Variants in SIRT7 observed in about 807,000 individuals in gnomAD.
SIRT7 encodes sirtuin 7, also known as NAD-dependent protein deacetylase sirtuin-7.
SIRT7 carries 32 observed loss-of-function variants against 42.8 expected under a neutral mutation model. The ratio of observed to expected loss-of-function variants is 0.75; its 90% confidence interval spans 0.56 to 1.00. The LOEUF (loss-of-function observed/expected upper bound fraction) is 1.00. SIRT7 is among the 50% of genes least tolerant of loss of function. The probability of loss-of-function intolerance (pLI) is 0.00; values close to 1 mark genes in which losing one functional copy is unlikely to be tolerated. For synonymous variants in SIRT7, 297 were observed against 245.2 expected (o/e 1.21, Z -1.97); for missense variants, 553 against 572.2 (o/e 0.97, Z 0.34).
rs999073966 is a variant in SIRT7, at chr17:81,912,525, T to C, written c.1094A>G (p.Glu365Gly). 3.1e-6 allele frequency: 5 copies of C among 1,613,796 alleles called. No individual in the cohort carries two copies. The highest frequency in any genetic ancestry group is 1.3e-5 in the African/African-American group (1 of 75,050). ...ACCCCGGTCCCCAGGCGGGGCCTCC[T>C]CTCTGCTTCTGCACAGCGACTTCCG... Reference protein sequence around the residue: ...HSRKSLCRSREEAPPGDRGAP... With the variant: ...HSRKSLCRSRGEAPPGDRGAP... The change falls in exon 10 of 10, where the codon GAG becomes GGG. Residue 365 changes from glutamate to glycine, a missense_variant. Glu to Gly is a moderately conservative substitution (Grantham distance 98). Coordinates refer to ENST00000328666, the MANE Select transcript of SIRT7 (RefSeq NM_016538.3).
chr17:81,912,731 C>T, intron 9 of SIRT7, 117 bp from the exon 10 acceptor site: 2 of 1,131,492 alleles, frequency 1.8e-6, no homozygotes, highest in Non-Finnish European at 2.6e-6. Flanking sequence ...CCTCCCGTGT[C>T]AACTGCGGCG....
chr17:81,912,310 GTCA>G lies in SIRT7; in HGVS notation c.*103_*105del. 1 of 1,384,986 alleles carries G rather than the reference GTCA, an allele frequency of 7.2e-7. No individual in the cohort carries two copies. The highest frequency in any genetic ancestry group is 1.0e-6 in the Non-Finnish European group (1 of 977,118). 85.8% of individuals were successfully genotyped at this position (1,384,986 alleles called of 1,614,324 possible). On this transcript the variant is annotated 3_prime_UTR_variant, in exon 10 of 10. Coordinates refer to ENST00000328666, the MANE Select transcript of SIRT7 (RefSeq NM_016538.3). ...TGGCTAAAAATGTCACGGTGAAAAT[GTCA>G]TCCCCAAAGAGTTCGTTCTCCCTAG...
intron 3 of SIRT7, chr17:81,916,496 T>TA (rs2040801799): frequency 6.7e-6 from 1 of 150,326 alleles, no homozygotes; most frequent in Non-Finnish European, 1.5e-5. Context: ...AGACGGAGTT[T>TA]AGCTCTTTCG....
rs754171088 is a variant in SIRT7 at position 81,913,913 on chromosome 17, GCAGCC to G, written c.898-38_898-34del. 2 of 1,546,314 alleles carry G rather than the reference GCAGCC, an allele frequency of 1.3e-6. No individual in the cohort carries two copies. The highest frequency in any genetic ancestry group is 2.4e-5 in the South Asian group (2 of 84,528). The stretch of plus-strand genomic sequence containing the variant: ...CAGGGAAAGCCGAGTGAGAGTAACA[GCAGCC>G]CAACCCTTCCCGGTGGCCTGTCAGC... On this transcript the variant is annotated intron_variant, in intron 8 of 9. Coordinates refer to ENST00000328666, the MANE Select transcript of SIRT7 (RefSeq NM_016538.3). The surrounding 1 kb of genome is among the most constrained non-coding windows in gnomAD (Gnocchi z 5.0).
rs529902529 is a variant in SIRT7, at chr17:81,913,487, G to C, written c.1004+287C>G. 2.3e-4 allele frequency: 106 copies of C among 458,776 alleles called. No individual in the cohort carries two copies. Among genetic ancestry groups the C allele is most frequent in the East Asian group, 1.2e-3 (27 of 21,732 alleles). 28.4% of individuals were successfully genotyped at this position (458,776 alleles called of 1,614,324 possible). A position where few individuals can be genotyped will look rare whatever the true frequency, so the allele number is the denominator to read the frequency against. On this transcript the variant is annotated intron_variant, in intron 9 of 9. Transcript: ENST00000328666. The surrounding 1 kb of genome is among the most constrained non-coding windows in gnomAD (Gnocchi z 5.0). ...CGTCCCCTCCAGATGCTTCCCACCA[G>C]GCATCTCGGAGAGCTCCACGGGGAG... is the stretch of plus-strand genomic sequence containing the variant.
chr17:81,916,458 G>C (rs941823099), intron 3 of SIRT7: 1 of 147,260 alleles, frequency 6.8e-6, no homozygotes, highest in Non-Finnish European at 1.5e-5. Context: ...TACATGACTG[G>C]ACTTTTTTTT....
intron 5 of SIRT7, chr17:81,914,906 G>T: frequency 1.7e-6 from 1 of 586,772 alleles, no homozygotes; most frequent in South Asian, 2.0e-5. Context: ...GTGGGGAGGG[G>T]CTGTCCTTCC....
rs2040738360 is a variant in SIRT7 at position 81,913,781 on chromosome 17, A to G, written c.997T>C (p.Tyr333His). ...MAELGLEIPA[Y>H]SRWQDPIFSL... ...CTGCAGCGGCTCACTCACCTGCTATAGGCGGGGATCTCCAAGCCCAGCTCG... is the reference window on the plus strand; with the variant it reads ...CTGCAGCGGCTCACTCACCTGCTATGGGCGGGGATCTCCAAGCCCAGCTCG... The change falls in exon 9 of 10, where the codon TAT (tyrosine) becomes CAT (histidine). Residue 333 changes from tyrosine (Y) to histidine (H), a missense_variant. By Grantham distance (83) the Tyr-to-His change is moderately conservative. Transcript: ENST00000328666. The surrounding 1 kb of genome is among the most constrained non-coding windows in gnomAD (Gnocchi z 5.0). 1 of 1,548,542 alleles carries G rather than the reference A, an allele frequency of 6.5e-7. No individual in the cohort carries two copies. The highest frequency in any genetic ancestry group is 8.7e-7 in the Non-Finnish European group (1 of 1,146,778).
Position 81,915,900 on chromosome 17 carries a change from T to TGGCTC in SIRT7, c.337-224_337-220dup, listed in dbSNP as rs1208500924. The TGGCTC allele has an allele frequency of 1.8e-5, 10 of 569,574 alleles. 1 individual carries two copies. The highest frequency in any genetic ancestry group is 9.6e-4 in the Middle Eastern group (2 of 2,076). 35.3% of individuals were successfully genotyped at this position (569,574 alleles called of 1,614,324 possible). A position where few individuals can be genotyped will look rare whatever the true frequency, so the allele number is the denominator to read the frequency against. ...CTGGACTTCCGTTTCCCGCCTGGCC[T>TGGCTC]GGCTCATCCTTCCAGGCTGCACGCA... On this transcript the variant is annotated intron_variant, in intron 3 of 9. Coordinates refer to ENST00000328666, the MANE Select transcript of SIRT7 (RefSeq NM_016538.3).
intron 9 of SIRT7, 170 bp from the exon 10 acceptor site, chr17:81,912,784 AC>A: frequency 1.4e-6 from 1 of 725,196 alleles, no homozygotes; most frequent in Non-Finnish European, 2.4e-6. Context: ...AAGCTGCAGA[AC>A]GGATGTGGGA....
chr17:81,912,396 G>C lies in SIRT7; in HGVS notation c.*20C>G, dbSNP rs74006134. ...ACTGGCCATCTGCAAAGTGCCAACT[G>C]TTCTTCATCGAGCACGTGATTACGT... is the stretch of plus-strand genomic sequence containing the variant. On this transcript the variant is annotated 3_prime_UTR_variant, in exon 10 of 10. Coordinates refer to ENST00000328666, the MANE Select transcript of SIRT7 (RefSeq NM_016538.3). 6.1e-5 allele frequency: 98 copies of C among 1,613,958 alleles called. 1 individual carries two copies. The highest frequency in any genetic ancestry group is 8.1e-5 in the Non-Finnish European group (95 of 1,180,008).
Position 81,913,673 on chromosome 17 carries a change from A to C in SIRT7, c.1004+101T>G, listed in dbSNP as rs2040736764. The C allele has an allele frequency of 9.5e-7, 1 of 1,056,916 alleles. No homozygotes were observed. Among genetic ancestry groups the C allele is most frequent in the African/African-American group, 1.6e-5 (1 of 63,370 alleles). 65.5% of individuals were successfully genotyped at this position (1,056,916 alleles called of 1,614,324 possible). The stretch of plus-strand genomic sequence containing the variant: ...CAGTCATGCCTCAGGCACCACTGCA[A>C]ACACCTCAGAGCTTCCTCCACACTC... On this transcript the variant is annotated intron_variant, in intron 9 of 9. Coordinates refer to ENST00000328666, the MANE Select transcript of SIRT7 (RefSeq NM_016538.3). The surrounding 1 kb of genome is among the most constrained non-coding windows in gnomAD (Gnocchi z 5.0).
At chr17:81,918,013 C>T (rs1295812043) in intron 1 of SIRT7, 26 bp downstream of exon 1, 5 of 1,404,100 alleles carry the variant, frequency 3.6e-6, no homozygotes, top group East Asian at 3.0e-5. Flanking sequence ...CGGGCATGGC[C>T]GGGCCGGGGA....
Position 81,912,475 on chromosome 17 carries a change from G to T in SIRT7, c.1144C>A (p.Leu382Ile), listed in dbSNP as rs1469435226. 1.2e-6 allele frequency: 2 copies of T among 1,613,814 alleles called. No individual in the cohort carries two copies. The highest frequency in any genetic ancestry group is 1.7e-6 in the Non-Finnish European group (2 of 1,179,976). The part of the protein sequence containing the change: ...RGAPLSSAPI[L>I]GGWFGRGCTK... Reference sequence around the variant, plus strand: ...CAGCCCCTGCCAAACCAGCCCCCTAGGATGGGGGCCGAGCTAAGCGGTGCA... The same window carrying T: ...CAGCCCCTGCCAAACCAGCCCCCTATGATGGGGGCCGAGCTAAGCGGTGCA... Residue 382 changes from leucine to isoleucine, a missense_variant, in exon 10 of 10, where the codon CTA becomes ATA. By Grantham distance (5) the Leu-to-Ile change is conservative (BLOSUM62 2). Transcript: ENST00000328666.
rs188535261 is a variant in SIRT7, at chr17:81,915,783, G to A, written c.337-102C>T. 1.3e-4 allele frequency: 167 copies of A among 1,308,476 alleles called. No homozygotes were observed. In the East Asian group the frequency reaches 3.2e-3, roughly 25 times the overall value. 81.1% of individuals were successfully genotyped at this position (1,308,476 alleles called of 1,614,324 possible). A position where few individuals can be genotyped will look rare whatever the true frequency, so the allele number is the denominator to read the frequency against. Reference sequence around the variant, plus strand: ...GCCACTGTCACTCCTGCCGCATTCCGGGCTGGCCTGCATGTTGGCCTCTAT... The same window carrying A: ...GCCACTGTCACTCCTGCCGCATTCCAGGCTGGCCTGCATGTTGGCCTCTAT... On this transcript the variant is annotated intron_variant, in intron 3 of 9. Transcript: ENST00000328666.
chr17:81,913,385 T>C lies in SIRT7; in HGVS notation c.1004+389A>G. On this transcript the variant is annotated intron_variant, in intron 9 of 9. Coordinates refer to ENST00000328666, the MANE Select transcript of SIRT7 (RefSeq NM_016538.3). This position sits in a 1 kb window ranked among gnomAD's most constrained non-coding sequence, Gnocchi z 5.0. ...ACAAATTCTGTATTAAGGCACAGTT[T>C]GTTTAAGCTTTCCCAAAGTACGCCA... 1 of 448,934 alleles carries C rather than the reference T, an allele frequency of 2.2e-6. No homozygotes were observed. The highest frequency in any genetic ancestry group is 1.6e-5 in the South Asian group (1 of 61,710). The allele number at this position is 448,934 out of a possible 1,614,324, so 27.8% of individuals were successfully genotyped here.
At chr17:81,914,256 C>G in intron 7 of SIRT7, 38 bp downstream of exon 7, 1 of 1,611,552 alleles carries the variant, frequency 6.2e-7, no homozygotes, top group Non-Finnish European at 8.5e-7. Context: ...CTCGGGCGGG[C>G]AGGGGCTCGG....
chr17:81,917,987 G>A lies in SIRT7; in HGVS notation c.94-20C>T, dbSNP rs774877463. On this transcript the variant is annotated intron_variant, in intron 1 of 9. Transcript: ENST00000328666. ...CGACACCTGCGGGCAGGCGGACGGT[G>A]AGCGGCGGCGCGGGCCGGGCATGGC... is the stretch of plus-strand genomic sequence containing the variant. 15 of 1,335,218 alleles carry A rather than the reference G, an allele frequency of 1.1e-5. No individual in the cohort carries two copies. Among genetic ancestry groups the A allele is most frequent in the Non-Finnish European group, 1.0e-5 (11 of 1,052,316 alleles). The allele number at this position is 1,335,218 out of a possible 1,614,324, so 82.7% of individuals were successfully genotyped here.
chr17:81,918,157 G>A lies in SIRT7; in HGVS notation c.-26C>T. On this transcript the variant is annotated 5_prime_UTR_variant, in exon 1 of 10. Coordinates refer to ENST00000328666, the MANE Select transcript of SIRT7 (RefSeq NM_016538.3). The stretch of plus-strand genomic sequence containing the variant: ...CGCTCCCCTGGAGACCTGCTCTTCC[G>A]CTTCCGCCTCACACGGCAGGCCGCG... 5 of 1,521,604 alleles carry A rather than the reference G, an allele frequency of 3.3e-6. No homozygotes were observed. The highest frequency in any genetic ancestry group is 2.6e-5 in the East Asian group (1 of 37,842). The allele number at this position is 1,521,604 out of a possible 1,614,324, so 94.3% of individuals were successfully genotyped here.
Sources: gnomAD v4.1 joint callset for allele counts on GRCh38, gnomAD v4.1.1 for gene constraint, Gnocchi (gnomAD v3.1) non-coding constraint, MANE v1.5 for transcripts, NCBI Gene and HGNC (gene_info 2026-07-23, HGNC 2026-07-21) for gene names.